Variants in SETD3 observed in about 807,000 individuals in gnomAD.
The protein encoded by SETD3 is actin-histidine N-methyltransferase.
Under a neutral mutation model 63.0 loss-of-function variants are expected in SETD3, and 19 were observed. The observed-to-expected ratio is 0.30, with a 90% CI of 0.21 to 0.44. The LOEUF (loss-of-function observed/expected upper bound fraction) is 0.44, where lower values mean the gene tolerates loss of function less well. SETD3 is among the 20% of genes least tolerant of loss of function. The pLI is 1.00. For synonymous variants in SETD3, 286 were observed against 264.1 expected (o/e 1.08, Z -0.80); for missense variants, 587 against 728.5 (o/e 0.81, Z 2.24).
chr14:99,438,234 C>T lies in SETD3; in HGVS notation c.675+20045G>A, dbSNP rs116528855. ...ACATGCTACCATGTGTGTGTCACTA[C>T]GGTTAAGGTTGGGTGAGCACTTCCA... On this transcript the variant is annotated intron_variant, in intron 6 of 12. Coordinates refer to ENST00000331768, the MANE Select transcript of SETD3 (RefSeq NM_032233.3). Among the ~76,000 whole-genome samples the T allele has an allele frequency of 8.5e-3, 1,302 of 152,324 alleles. 28 individuals carry two copies. The highest frequency in any genetic ancestry group is 0.03 in the African/African-American group (1,245 of 41,560).
At chr14:99,473,556 T>A (rs1429355549) in intron 1 of SETD3, among the ~76,000 whole-genome samples, 1 of 152,216 alleles carries the variant, frequency 6.6e-6, no homozygotes. Flanking sequence ...CATCTGTTTT[T>A]CAATGTATCC....
upstream of SETD3, chr14:99,481,128 C>T (rs1232661519): frequency 9.7e-6 from 3 of 309,332 alleles, no homozygotes; most frequent in African/African-American, 2.1e-5. Context: ...CGAATCTCGA[C>T]CCGGGCCCCG....
Position 99,412,995 on chromosome 14 carries a change from C to T in SETD3, c.805G>A (p.Ala269Thr), listed in dbSNP as rs1892085914. The change falls in exon 8 of 13, where the codon GCT becomes ACT. Residue 269 changes from alanine to threonine, a missense_variant. Ala to Thr is a moderately conservative substitution (Grantham distance 58). Transcript: ENST00000331768. ...PTEDGSRVTL[A>T]LIPLWDMCNH... ...CACATATCCCATAAAGGAATCAGAG[C>T]CAGGGTCACGCGGGAACCATCCTCT... The T allele has an allele frequency of 6.2e-7, 1 of 1,614,008 alleles. No homozygotes were observed. The highest frequency in any genetic ancestry group is 8.5e-7 in the Non-Finnish European group (1 of 1,179,956).
At chr14:99,410,242 G>A in intron 8 of SETD3, 2 of 1,613,546 alleles carry the variant, frequency 1.2e-6, no homozygotes, top group African/African-American at 1.3e-5. Context: ...AACCAGAGGT[G>A]AGTCAGACCT....
chr14:99,481,213 G>A (rs1186913641), upstream of SETD3: 1 of 393,276 alleles, frequency 2.5e-6, no homozygotes, highest in Non-Finnish European at 4.5e-6. Context: ...GGGACCGACG[G>A]GATGGGCCCT....
chr14:99,434,907 T>C (rs1049332529), intron 6 of SETD3, among the ~76,000 whole-genome samples: 2 of 149,130 alleles, frequency 1.3e-5, no homozygotes, highest in Non-Finnish European at 1.5e-5. Flanking sequence ...TGTATTTCAT[T>C]ATGTACAAGT....
chr14:99,413,801 T>G lies in SETD3; in HGVS notation c.734+75A>C, dbSNP rs1173535196. On this transcript the variant is annotated intron_variant, in intron 7 of 12. Coordinates refer to ENST00000331768, the MANE Select transcript of SETD3 (RefSeq NM_032233.3). ...AGCAGGTCACTTCTCACTGAAGCCC[T>G]TCCCTCCCTTCCAGGATCCCACTTC... The G allele has an allele frequency of 4.3e-6, 6 of 1,404,720 alleles. No individual in the cohort carries two copies. The African/African-American group carries it at 7.1e-5, about 17-fold the overall frequency. The allele number at this position is 1,404,720 out of a possible 1,614,324, so 87.0% of individuals were successfully genotyped here.
intron 6 of SETD3, among the ~76,000 whole-genome samples, chr14:99,454,107 T>C (rs535385090): frequency 2.6e-4 from 40 of 152,306 alleles, no homozygotes; most frequent in African/African-American, 9.4e-4. Flanking sequence ...GTTTTAAAAA[T>C]AGCAAACATT....
chr14:99,428,359 G>A (rs1378872045), intron 6 of SETD3, among the ~76,000 whole-genome samples: 1 of 152,168 alleles, frequency 6.6e-6, no homozygotes, highest in Non-Finnish European at 1.5e-5. Flanking sequence ...ACAAGTGGTG[G>A]AGGGGTTGGG....
intron 6 of SETD3, among the ~76,000 whole-genome samples, chr14:99,419,541 C>T (rs1277526264): frequency 1.3e-5 from 2 of 151,978 alleles, no homozygotes; most frequent in Non-Finnish European, 2.9e-5. Flanking sequence ...TTTGGGAGGC[C>T]GAAGCGGGCG....
chr14:99,440,004 T>C (rs1427736203), intron 6 of SETD3, among the ~76,000 whole-genome samples: 1 of 151,984 alleles, frequency 6.6e-6, no homozygotes, highest in African/African-American at 2.4e-5. Context: ...TGTTGGGGTT[T>C]CACCATGTTA....
Position 99,405,312 on chromosome 14 carries a change from G to GA in SETD3, c.983dup (p.Phe329LeufsTer2), listed in dbSNP as rs1242937841. ...CTCTGTCGTGTGAGTTATTGTCAAA[G>GA]AAAAAACCACTGTGGATCACAAACT... On this transcript the variant is annotated frameshift_variant, in exon 10 of 13. Coordinates refer to ENST00000331768, the MANE Select transcript of SETD3 (RefSeq NM_032233.3). LOFTEE classifies it high-confidence loss of function. 1.3e-6 allele frequency: 2 copies of GA among 1,595,428 alleles called. No homozygotes were observed. The highest frequency in any genetic ancestry group is 2.3e-5 in the East Asian group (1 of 43,398).
intron 9 of SETD3, among the ~76,000 whole-genome samples, chr14:99,405,660 C>G (rs1484761209): frequency 6.6e-6 from 1 of 152,096 alleles, no homozygotes; most frequent in Non-Finnish European, 1.5e-5. Flanking sequence ...CCCCAGGTGA[C>G]CTGGGGTCAC....
intron 2 of SETD3, 27 bp downstream of exon 2, chr14:99,465,676 G>A (rs1035037969): frequency 3.8e-6 from 6 of 1,573,266 alleles, no homozygotes; most frequent in Non-Finnish European, 4.4e-6. Flanking sequence ...CCACATCAAG[G>A]CAGGGAGAGC....
intron 1 of SETD3, among the ~76,000 whole-genome samples, chr14:99,476,557 C>T (rs1595286363): frequency 6.6e-6 from 1 of 152,096 alleles, no homozygotes; most frequent in African/African-American, 2.4e-5. Flanking sequence ...TGACATGCAG[C>T]GAAGCTAAAT....
At position 99,398,435 on chromosome 14, in the gene SETD3, T is replaced by C; in HGVS notation, c.*244A>G. The C allele has an allele frequency of 2.0e-6, 1 of 496,910 alleles. No individual in the cohort carries two copies. Among genetic ancestry groups the C allele is most frequent in the Non-Finnish European group, 3.6e-6 (1 of 280,634 alleles). 30.8% of individuals were successfully genotyped at this position (496,910 alleles called of 1,614,324 possible). ...GTCTGCAAAATCTCCCACAGGCACC[T>C]CTTCTCCCTTTCTTGTGGTTGTTTG... On this transcript the variant is annotated 3_prime_UTR_variant, in exon 13 of 13. Transcript: ENST00000331768.
intron 8 of SETD3, 50 bp downstream of exon 8, chr14:99,412,901 G>A: frequency 7.6e-7 from 1 of 1,308,714 alleles, no homozygotes; most frequent in Non-Finnish European, 1.1e-6. Flanking sequence ...CCAAAGCTTA[G>A]CAACAACAGC....
chr14:99,414,398 G>A lies in SETD3; in HGVS notation c.676-464C>T, dbSNP rs117194251. Among the ~76,000 whole-genome samples, 54 of 152,284 alleles carry A rather than the reference G, an allele frequency of 3.5e-4. 1 individual carries two copies. The East Asian group carries it at 5.0e-3, about 14-fold the overall frequency. On this transcript the variant is annotated intron_variant, in intron 6 of 12. Coordinates refer to ENST00000331768, the MANE Select transcript of SETD3 (RefSeq NM_032233.3). ...AGGAAAAATTAAAGGCACTCTAATC[G>A]GTTGAAAGCTCTTTCATTTCTCTCC...
At chr14:99,461,146 A>C in intron 4 of SETD3, 46 bp downstream of exon 4, 1 of 1,606,184 alleles carries the variant, frequency 6.2e-7, no homozygotes, top group Non-Finnish European at 8.5e-7. Context: ...AGCACACCAC[A>C]GTTCAAACAC....
Sources: gnomAD v4.1 joint callset for allele counts (sites outside exome capture counted in the v4.1 genomes callset) on GRCh38, gnomAD v4.1.1 for gene constraint, MANE v1.5 for transcripts, NCBI Gene and HGNC (gene_info 2026-07-23, HGNC 2026-07-21) for gene names.